Variants in SH3BGRL observed in about 807,000 individuals in gnomAD.
SH3BGRL encodes the protein SH3 domain binding glutamate rich protein like, also known as adapter SH3BGRL.
A neutral mutation model predicts 9.8 loss-of-function variants in SH3BGRL; 7 were observed. The ratio of observed to expected loss-of-function variants is 0.72; its 90% CI spans 0.41 to 1.35. The LOEUF (loss-of-function observed/expected upper bound fraction) is 1.35. Ranked by LOEUF, SH3BGRL falls within the 40% of genes most tolerant of loss-of-function variation. The pLI, the probability that SH3BGRL is intolerant of heterozygous loss-of-function variation, is 0.01. For missense variants in SH3BGRL, 73 were observed against 84.4 expected, an observed-to-expected ratio of 0.86 and a Z score of 0.53; for synonymous variants, 36 against 29.1, an observed-to-expected ratio of 1.24 and a Z score of -0.76.
intron 1 of SH3BGRL, among the ~76,000 whole-genome samples, chrX:81,229,763 G>T (rs931966844): frequency 3.6e-5 from 4 of 111,717 alleles, no homozygotes; most frequent in African/African-American, 1.3e-4. Context: ...TTGTATGCGT[G>T]CCCAGTAGGG....
At chrX:81,256,681 C>T (rs1370263666) in intron 1 of SH3BGRL, among the ~76,000 whole-genome samples, 1 of 112,253 alleles carries the variant, frequency 8.9e-6, no homozygotes, top group Non-Finnish European at 1.9e-5. Flanking sequence ...ATCAGCCCAG[C>T]GTATTGTAAA....
intron 3 of SH3BGRL, among the ~76,000 whole-genome samples, chrX:81,290,513 G>A (rs2075854010): frequency 9.0e-6 from 1 of 110,986 alleles, no homozygotes; most frequent in Non-Finnish European, 1.9e-5. Flanking sequence ...TTATTTGTGG[G>A]ATCTAAAAAT....
chrX:81,280,146 C>G (rs2075811747), intron 3 of SH3BGRL, among the ~76,000 whole-genome samples: 1 of 110,255 alleles, frequency 9.1e-6, no homozygotes, highest in Non-Finnish European at 1.9e-5. Context: ...GAATCTCACC[C>G]CCACCCCTCA....
At chrX:81,213,899 G>A (rs2075573462) in intron 1 of SH3BGRL, among the ~76,000 whole-genome samples, 1 of 112,088 alleles carries the variant, frequency 8.9e-6, no homozygotes, top group Non-Finnish European at 1.9e-5. Context: ...GGGAAAGATG[G>A]TGGACGGAGA....
At chrX:81,292,160 C>G (rs1364010204) in intron 3 of SH3BGRL, among the ~76,000 whole-genome samples, 2 of 112,062 alleles carry the variant, frequency 1.8e-5, no homozygotes, top group African/African-American at 6.5e-5. Flanking sequence ...CAGCACTGCC[C>G]CAGTAGAGGT....
rs759960529 is a variant in SH3BGRL, at chrX:81,276,961, G to A, written c.46-23G>A. On this transcript the variant is annotated intron_variant, in intron 1 of 3. Coordinates refer to ENST00000373212, the MANE Select transcript of SH3BGRL (RefSeq NM_003022.3). ...GACTTTTGTTGAATTTGGAAAATAC[G>A]GTTTCTTGTCCTTTGGTCCTAGATT... 82 of 1,177,336 alleles carry A rather than the reference G, an allele frequency of 7.0e-5. No individual in the cohort carries two copies. The Admixed American group carries it at 1.9e-3, about 28-fold the overall frequency.
At chrX:81,293,876 G>C (rs1483326169) in intron 3 of SH3BGRL, among the ~76,000 whole-genome samples, 1 of 111,931 alleles carries the variant, frequency 8.9e-6, no homozygotes, top group East Asian at 2.8e-4. Context: ...TAGAGATGAA[G>C]AACTTGTTGG....
intron 1 of SH3BGRL, among the ~76,000 whole-genome samples, chrX:81,235,143 C>T (rs1288753064): frequency 9.0e-6 from 1 of 110,855 alleles, no homozygotes; most frequent in Non-Finnish European, 1.9e-5. Flanking sequence ...TTATATGCTC[C>T]ACACTGTGCT....
chrX:81,223,950 T>C (rs1327819659), intron 1 of SH3BGRL, among the ~76,000 whole-genome samples: 1 of 111,913 alleles, frequency 8.9e-6, no homozygotes, highest in Non-Finnish European at 1.9e-5. Context: ...CCTCCCAATG[T>C]GTTGGGATTA....
chrX:81,240,017 G>T (rs1437335431), intron 1 of SH3BGRL, among the ~76,000 whole-genome samples: 1 of 112,176 alleles, frequency 8.9e-6, no homozygotes, highest in Non-Finnish European at 1.9e-5. Flanking sequence ...GAAATGCTAA[G>T]GGTAGTATTT....
intron 2 of SH3BGRL, among the ~76,000 whole-genome samples, chrX:81,277,736 G>C (rs1447733058): frequency 8.9e-6 from 1 of 112,062 alleles, no homozygotes; most frequent in African/African-American, 3.2e-5. Context: ...GTTTTGCATG[G>C]TGGAGGAAGC....
intron 1 of SH3BGRL, among the ~76,000 whole-genome samples, chrX:81,212,297 G>T (rs1253463021): frequency 9.0e-6 from 1 of 111,249 alleles, no homozygotes; most frequent in Non-Finnish European, 1.9e-5. Flanking sequence ...CAATGTTGAG[G>T]GGACAATCAG....
intron 1 of SH3BGRL, among the ~76,000 whole-genome samples, chrX:81,271,013 T>C (rs766499991): frequency 8.9e-6 from 1 of 112,262 alleles, no homozygotes; most frequent in South Asian, 3.7e-4. Context: ...ACTGCTGCAC[T>C]AGCAGTGAGC....
At chrX:81,242,714 A>G (rs1279863719) in intron 1 of SH3BGRL, among the ~76,000 whole-genome samples, 2 of 111,748 alleles carry the variant, frequency 1.8e-5, no homozygotes, top group African/African-American at 6.5e-5. Context: ...GAGCCCAAAC[A>G]GCTCTAGAGG....
At chrX:81,227,723 A>G (rs1439721286) in intron 1 of SH3BGRL, among the ~76,000 whole-genome samples, 4 of 112,309 alleles carry the variant, frequency 3.6e-5, no homozygotes, top group African/African-American at 1.3e-4. Context: ...TTAAAATAAT[A>G]TAATTTTATC....
chrX:81,262,417 A>G (rs1157926612), intron 1 of SH3BGRL, among the ~76,000 whole-genome samples: 2 of 111,619 alleles, frequency 1.8e-5, no homozygotes, highest in Admixed American at 9.5e-5. Context: ...TATAATTATC[A>G]GAAAAGCATA....
intron 3 of SH3BGRL, among the ~76,000 whole-genome samples, chrX:81,294,225 A>C (rs1232197738): frequency 9.0e-6 from 1 of 111,526 alleles, no homozygotes; most frequent in African/African-American, 3.3e-5. Flanking sequence ...ATGGGGAAAA[A>C]GTCTCCAGGG....
intron 3 of SH3BGRL, among the ~76,000 whole-genome samples, chrX:81,290,825 T>G (rs1349484252): frequency 9.0e-6 from 1 of 110,927 alleles, no homozygotes. Flanking sequence ...TCAAAACATG[T>G]CATATACCCC....
chrX:81,219,410 T>A (rs1159474836), intron 1 of SH3BGRL, among the ~76,000 whole-genome samples: 1 of 111,173 alleles, frequency 9.0e-6, no homozygotes, highest in Admixed American at 9.6e-5. Flanking sequence ...CTTGATTTCT[T>A]TCTCAGATTG....
Sources: allele counts gnomAD v4.1 joint callset (sites outside exome capture counted in the v4.1 genomes callset), GRCh38; gene constraint gnomAD v4.1.1; transcripts MANE v1.5; gene names NCBI Gene and HGNC (gene_info 2026-07-23, HGNC 2026-07-21).